The following TGFBRAP1 variants were observed in gnomAD, a reference collection of about 807,000 sequenced individuals.
The protein encoded by TGFBRAP1 is transforming growth factor beta receptor associated protein 1.
TGFBRAP1 carries 20 observed loss-of-function variants against 83.2 expected under a neutral mutation model. That is an observed-to-expected ratio of 0.24 (90% CI 0.17 to 0.35). The LOEUF (loss-of-function observed/expected upper bound fraction) is 0.35. Among genes scored for constraint, TGFBRAP1 ranks in the 10% least tolerant of loss-of-function variants. The pLI, the probability that TGFBRAP1 is intolerant of heterozygous loss-of-function variation, is 1.00. For missense variants in TGFBRAP1, 950 were observed against 1,099.4 expected, an observed-to-expected ratio of 0.86 and a Z score of 1.92; for synonymous variants, 415 against 459.8, an observed-to-expected ratio of 0.90 and a Z score of 1.25.
In TGFBRAP1 at chr2:105,267,621, G is replaced by A. The variant is rs888289806; in HGVS notation, c.2407-62C>T. On this transcript the variant is annotated intron_variant, in intron 11 of 11. Coordinates refer to ENST00000393359, the MANE Select transcript of TGFBRAP1 (RefSeq NM_004257.6). ...TGTTAAGTATATTTAAAGTGGCTAC[G>A]TTCTAGTTTTGCAGAGTTGACATGC... 296 of 1,596,292 alleles carry A rather than the reference G, an allele frequency of 1.9e-4. 2 individuals carry two copies. The Admixed American group carries it at 4.3e-3, about 23-fold the overall frequency.
chr2:105,305,327 C>A (rs1678459318), intron 2 of TGFBRAP1, among the ~76,000 whole-genome samples: 1 of 152,110 alleles, frequency 6.6e-6, no homozygotes, highest in African/African-American at 2.4e-5. Flanking sequence ...AAAAACTTGC[C>A]AAGGATAAAA....
At chr2:105,304,260 G>A (rs1281671180) in intron 2 of TGFBRAP1, among the ~76,000 whole-genome samples, 3 of 152,098 alleles carry the variant, frequency 2.0e-5, no homozygotes, top group African/African-American at 4.8e-5. Flanking sequence ...ATAAACAGAG[G>A]GCATGATGTG....
chr2:105,271,040 A>G (rs575545443), intron 10 of TGFBRAP1, among the ~76,000 whole-genome samples: 1 of 152,326 alleles, frequency 6.6e-6, no homozygotes, highest in Non-Finnish European at 1.5e-5. Context: ...CCATTGCCTG[A>G]AAGCTCCCCT....
At chr2:105,282,414 G>A (rs1312221024) in intron 5 of TGFBRAP1, among the ~76,000 whole-genome samples, 1 of 152,232 alleles carries the variant, frequency 6.6e-6, no homozygotes, top group Non-Finnish European at 1.5e-5. Context: ...GCACTGAGGA[G>A]TCAGAGGACG....
In TGFBRAP1 at chr2:105,307,694, G is replaced by A; in HGVS notation, c.608C>T (p.Pro203Leu). 1 of 1,614,126 alleles carries A rather than the reference G, an allele frequency of 6.2e-7. No individual in the cohort carries two copies. The highest frequency in any genetic ancestry group is 1.3e-5 in the African/African-American group (1 of 75,016). The stretch of plus-strand genomic sequence containing the variant: ...CGGCGGCCTCTCCTCACTGCAGTAG[G>A]GAAACAGGTCCTGGGAGACGCCTGT... ...YSTGVSQDLF[P>L]YCSEERPPIV... The change falls in exon 2 of 12, where the codon CCC (proline) becomes CTC (leucine). Residue 203 changes from proline (P) to leucine (L), a missense_variant. Transcript: ENST00000393359.
chr2:105,277,848 G>A (rs910788490), intron 6 of TGFBRAP1, among the ~76,000 whole-genome samples, 177 bp from the exon 7 acceptor site: 1 of 152,196 alleles, frequency 6.6e-6, no homozygotes, highest in Admixed American at 6.5e-5. Flanking sequence ...GAGCCCAGGA[G>A]TTTGAGACCA....
chr2:105,250,643 G>A, the TGFBRAP1 span, among the ~76,000 whole-genome samples: 8 of 125,622 alleles, frequency 6.4e-5, no homozygotes, highest in Non-Finnish European at 1.0e-4. Flanking sequence ...CTCTCCCCAC[G>A]GTCTCCCTCT....
intron 1 of TGFBRAP1, among the ~76,000 whole-genome samples, chr2:105,311,839 C>T (rs1269568261): frequency 6.6e-6 from 1 of 150,988 alleles, no homozygotes; most frequent in Non-Finnish European, 1.5e-5. Context: ...AACTGGGAGG[C>T]AGAGGGTGCA....
chr2:105,268,942 C>T (rs535878634), intron 11 of TGFBRAP1, among the ~76,000 whole-genome samples: 18 of 152,246 alleles, frequency 1.2e-4, no homozygotes, highest in Non-Finnish European at 2.2e-4. Context: ...AAAATGCAAG[C>T]ATGACGTAAA....
At chr2:105,249,669 T>C in the TGFBRAP1 span, 1 of 152,226 alleles carries the variant, frequency 6.6e-6, no homozygotes, top group Non-Finnish European at 1.5e-5. Context: ...AAAAAATTAC[T>C]ATTTAAAATA....
At chr2:105,322,157 C>A (rs1679086032) in intron 1 of TGFBRAP1, among the ~76,000 whole-genome samples, 1 of 151,326 alleles carries the variant, frequency 6.6e-6, no homozygotes, top group Non-Finnish European at 1.5e-5. Context: ...TTTGTGTCTT[C>A]ATTTTTAACC....
In TGFBRAP1 at chr2:105,283,701, G is replaced by C. The variant is rs76901750; in HGVS notation, c.1121+615C>G. On this transcript the variant is annotated intron_variant, in intron 5 of 11. Coordinates refer to ENST00000393359, the MANE Select transcript of TGFBRAP1 (RefSeq NM_004257.6). ...GCAGCTGGAGGTGGCATGACAGCAA[G>C]GCGTGCCTGTAAGGCAGGTGTGGCG... is the stretch of plus-strand genomic sequence containing the variant. 5.5e-3 allele frequency among the ~76,000 whole-genome samples: 842 copies of C among 152,330 alleles called. 4 individuals are homozygous for C. Among genetic ancestry groups the C allele is most frequent in the Non-Finnish European group, 8.8e-3 (600 of 68,026 alleles).
At chr2:105,252,158 T>C in the TGFBRAP1 span, among the ~76,000 whole-genome samples, 4 of 152,082 alleles carry the variant, frequency 2.6e-5, no homozygotes, top group East Asian at 5.8e-4. Flanking sequence ...ATAAATAAAA[T>C]AAAATAAAAT....
Position 105,267,250 on chromosome 2 carries a change from G to A in TGFBRAP1, c.*133C>T. On this transcript the variant is annotated 3_prime_UTR_variant, in exon 12 of 12. Transcript: ENST00000393359. The stretch of plus-strand genomic sequence containing the variant: ...CAGCGAGGAGTCCTTGTTGCGTATG[G>A]ACGGAAGGCTCCCTGGCACCCAGAT... 2 of 1,220,120 alleles carry A rather than the reference G, an allele frequency of 1.6e-6. No homozygotes were observed. The highest frequency in any genetic ancestry group is 1.6e-5 in the South Asian group (1 of 63,974). The allele number at this position is 1,220,120 out of a possible 1,614,324, so 75.6% of individuals were successfully genotyped here.
At chr2:105,251,192 G>A in the TGFBRAP1 span, among the ~76,000 whole-genome samples, 1 of 126,428 alleles carries the variant, frequency 7.9e-6, no homozygotes, top group East Asian at 2.5e-4. Flanking sequence ...CGGCCGCCCC[G>A]TCTGGGAAGT....
Position 105,269,741 on chromosome 2 carries a change from G to A in TGFBRAP1, c.1973-36C>T. ...GAACCTGCAGCTCAGAAAGAAAGGG[G>A]CTCGCCGGCCACCCGCCCAGCGACT... is the stretch of plus-strand genomic sequence containing the variant. On this transcript the variant is annotated intron_variant, in intron 10 of 11. Coordinates refer to ENST00000393359, the MANE Select transcript of TGFBRAP1 (RefSeq NM_004257.6). The surrounding 1 kb of genome is among the most constrained non-coding windows in gnomAD (Gnocchi z 4.1). 6.8e-7 allele frequency: 1 copy of A among 1,465,400 alleles called. No individual in the cohort carries two copies. The allele number at this position is 1,465,400 out of a possible 1,614,324, so 90.8% of individuals were successfully genotyped here.
At chr2:105,258,746 C>G in the TGFBRAP1 span, among the ~76,000 whole-genome samples, 1 of 150,970 alleles carries the variant, frequency 6.6e-6, no homozygotes, top group Non-Finnish European at 1.5e-5. Context: ...CACACACACA[C>G]ACACACACAC....
the TGFBRAP1 span, among the ~76,000 whole-genome samples, chr2:105,258,235 TC>T: frequency 6.6e-6 from 1 of 152,186 alleles, no homozygotes; most frequent in Admixed American, 6.5e-5. Flanking sequence ...GAAAGATCCT[TC>T]CGTCTTCCTG....
At chr2:105,315,556 C>A (rs1356158795) in intron 1 of TGFBRAP1, among the ~76,000 whole-genome samples, 2 of 152,140 alleles carry the variant, frequency 1.3e-5, no homozygotes, top group African/African-American at 4.8e-5. Context: ...GGGCAAATGA[C>A]TCAAACACTT....
Sources: allele counts gnomAD v4.1 joint callset (sites outside exome capture counted in the v4.1 genomes callset), GRCh38; gene constraint gnomAD v4.1.1; non-coding constraint Gnocchi (gnomAD v3.1); transcripts MANE v1.5; gene names NCBI Gene and HGNC (gene_info 2026-07-23, HGNC 2026-07-21).